The following PRR5L variants were observed in gnomAD, a reference collection of about 807,000 sequenced individuals.
PRR5L encodes proline rich 5 like.
Under a neutral mutation model 36.4 loss-of-function variants are expected in PRR5L, and 21 were observed. That is an observed-to-expected ratio of 0.58 (90% CI 0.41 to 0.83). The LOEUF is 0.83. Ranked by LOEUF, PRR5L falls within the 40% of genes least tolerant of loss-of-function variation. The probability of loss-of-function intolerance (pLI) is 0.00; values close to 1 mark genes in which losing one functional copy is unlikely to be tolerated. For synonymous variants in PRR5L, 188 were observed against 197.0 expected, an observed-to-expected ratio of 0.95 and a Z score of 0.38; for missense variants, 381 against 473.3, an observed-to-expected ratio of 0.80 and a Z score of 1.81.
At position 36,462,758 on chromosome 11, in the gene PRR5L, C is replaced by A; in HGVS notation, c.*22C>A. The A allele has an allele frequency of 1.2e-5, 18 of 1,512,616 alleles. No individual in the cohort carries two copies. The highest frequency in any genetic ancestry group is 1.6e-5 in the Non-Finnish European group (18 of 1,131,484). 93.7% of individuals were successfully genotyped at this position (1,512,616 alleles called of 1,614,324 possible). On this transcript the variant is annotated 3_prime_UTR_variant, in exon 9 of 9. Transcript: ENST00000530639. ...CTGAGTCGCCACCCCTGGGCCTTTCCATCTCCTGTTTTGCAACCAGGATGA... is the reference window on the plus strand; with the variant it reads ...CTGAGTCGCCACCCCTGGGCCTTTCAATCTCCTGTTTTGCAACCAGGATGA...
At chr11:36,328,967 C>A (rs1441286766) in intron 1 of PRR5L, among the ~76,000 whole-genome samples, 1 of 152,190 alleles carries the variant, frequency 6.6e-6, no homozygotes, top group Non-Finnish European at 1.5e-5. Context: ...TAAATCATTT[C>A]AGGAGGCAGT....
intron 1 of PRR5L, among the ~76,000 whole-genome samples, chr11:36,311,262 A>T (rs1017765371): frequency 2.0e-5 from 3 of 152,204 alleles, no homozygotes; most frequent in Non-Finnish European, 4.4e-5. Flanking sequence ...AACCTTAAAG[A>T]GGTAGAAGAA....
chr11:36,398,109 G>T (rs985967830), intron 1 of PRR5L, among the ~76,000 whole-genome samples: 2 of 152,214 alleles, frequency 1.3e-5, no homozygotes, highest in African/African-American at 2.4e-5. Context: ...ATATAGAGGT[G>T]AATAAAGCCC....
rs1176386299 is a variant in PRR5L, at chr11:36,462,796, C to T, written c.*60C>T. The T allele has an allele frequency of 4.2e-6, 6 of 1,442,946 alleles. No individual in the cohort carries two copies. The African/African-American group carries it at 7.1e-5, about 17-fold the overall frequency. The allele number at this position is 1,442,946 out of a possible 1,614,324, so 89.4% of individuals were successfully genotyped here. The stretch of plus-strand genomic sequence containing the variant: ...GCAACCAGGATGAGGACCCCTCCAT[C>T]TCCGTGGATTACTGAGGGGGGCTCT... On this transcript the variant is annotated 3_prime_UTR_variant, in exon 9 of 9. Coordinates refer to ENST00000530639, the MANE Select transcript of PRR5L (RefSeq NM_001160167.2).
At chr11:36,296,871 C>T (rs916304896) in intron 1 of PRR5L, among the ~76,000 whole-genome samples, 2 of 152,172 alleles carry the variant, frequency 1.3e-5, no homozygotes, top group Non-Finnish European at 2.9e-5. Flanking sequence ...CCCAGGGAGT[C>T]GGGTTCTAGA....
intron 1 of PRR5L, among the ~76,000 whole-genome samples, chr11:36,389,617 T>A (rs1590521406): frequency 6.7e-6 from 1 of 150,010 alleles, no homozygotes; most frequent in Admixed American, 6.6e-5. Flanking sequence ...CCCATGTATT[T>A]TTTTTTTTTT....
chr11:36,421,312 GC>G (rs1364999085), intron 4 of PRR5L, among the ~76,000 whole-genome samples: 1 of 152,188 alleles, frequency 6.6e-6, no homozygotes, highest in Non-Finnish European at 1.5e-5. Flanking sequence ...TATCTGGGAA[GC>G]CTTGAGGTTT....
chr11:36,355,534 T>G (rs1283576519), intron 1 of PRR5L, among the ~76,000 whole-genome samples: 1 of 151,096 alleles, frequency 6.6e-6, no homozygotes, highest in Non-Finnish European at 1.5e-5. Context: ...GAGCCCATGC[T>G]CTGCTTTGCT....
At chr11:36,320,716 G>A (rs1286417773) in intron 1 of PRR5L, among the ~76,000 whole-genome samples, 1 of 152,216 alleles carries the variant, frequency 6.6e-6, no homozygotes, top group Non-Finnish European at 1.5e-5. Context: ...TTCAGAGTTA[G>A]ATGATCAGGA....
At chr11:36,415,105 G>T (rs1475564218) in intron 3 of PRR5L, among the ~76,000 whole-genome samples, 1 of 151,334 alleles carries the variant, frequency 6.6e-6, no homozygotes, top group Non-Finnish European at 1.5e-5. Flanking sequence ...TGCTGTTTTG[G>T]TTACTGTAGC....
chr11:36,461,283 A>C (rs563777928), intron 8 of PRR5L, among the ~76,000 whole-genome samples: 9 of 152,266 alleles, frequency 5.9e-5, no homozygotes, highest in African/African-American at 2.2e-4. Flanking sequence ...CAAAAGATAA[A>C]ATGTCTAGGT....
intron 3 of PRR5L, among the ~76,000 whole-genome samples, chr11:36,416,891 G>T (rs898376660): frequency 2.6e-5 from 4 of 152,184 alleles, no homozygotes; most frequent in African/African-American, 9.7e-5. Flanking sequence ...ATCCCGCTGT[G>T]AGATGCCTGG....
chr11:36,411,228 C>G (rs1260969029), intron 3 of PRR5L, among the ~76,000 whole-genome samples: 2 of 152,206 alleles, frequency 1.3e-5, no homozygotes, highest in Admixed American at 6.5e-5. Flanking sequence ...CTTGCCCACT[C>G]TGCTGCCATC....
intron 1 of PRR5L, among the ~76,000 whole-genome samples, chr11:36,324,600 A>T (rs1856642350): frequency 6.6e-6 from 1 of 152,210 alleles, no homozygotes; most frequent in Non-Finnish European, 1.5e-5. Flanking sequence ...ACAATTTTTT[A>T]AATTCAAAAA....
intron 4 of PRR5L, among the ~76,000 whole-genome samples, chr11:36,427,844 C>T (rs973550622): frequency 1.3e-5 from 2 of 152,236 alleles, no homozygotes; most frequent in Admixed American, 6.5e-5. Context: ...TCTAAAACAA[C>T]TCTACTCACC....
intron 8 of PRR5L, among the ~76,000 whole-genome samples, chr11:36,458,786 G>A (rs1358892832): frequency 6.6e-6 from 1 of 152,234 alleles, no homozygotes. Context: ...AGCATGGTTT[G>A]CTTTCCTCTT....
At chr11:36,440,039 C>T (rs1447657217) in intron 6 of PRR5L, among the ~76,000 whole-genome samples, 3 of 152,144 alleles carry the variant, frequency 2.0e-5, no homozygotes, top group Non-Finnish European at 4.4e-5. Flanking sequence ...CAAGCCAGTG[C>T]TCTGGTTAAT....
intron 4 of PRR5L, among the ~76,000 whole-genome samples, chr11:36,423,366 A>G (rs1198812460): frequency 6.6e-6 from 1 of 152,220 alleles, no homozygotes; most frequent in African/African-American, 2.4e-5. Context: ...AGAGAGCTGA[A>G]GGAGTGTAGC....
intron 1 of PRR5L, among the ~76,000 whole-genome samples, chr11:36,382,752 A>G (rs1430811734): frequency 2.0e-5 from 3 of 152,180 alleles, no homozygotes; most frequent in Non-Finnish European, 2.9e-5. Context: ...CTCCACTCTC[A>G]TAGTTATGAC....
Sources: gnomAD v4.1 joint callset for allele counts (sites outside exome capture counted in the v4.1 genomes callset) on GRCh38, gnomAD v4.1.1 for gene constraint, MANE v1.5 for transcripts, NCBI Gene and HGNC (gene_info 2026-07-23, HGNC 2026-07-21) for gene names.